PSMD11: variants seen among roughly 807,000 people sequenced by gnomAD.
PSMD11 encodes 26S proteasome non-ATPase regulatory subunit 11.
A neutral mutation model predicts 62.3 loss-of-function variants in PSMD11; 5 were observed. The ratio of observed to expected loss-of-function variants is 0.08; its 90% confidence interval spans 0.04 to 0.17. PSMD11 has a LOEUF of 0.17. Among genes scored for constraint, PSMD11 ranks in the 10% least tolerant of loss-of-function variants. The probability of loss-of-function intolerance (pLI) is 1.00; values close to 1 mark genes in which losing one functional copy is unlikely to be tolerated. For synonymous variants in PSMD11, 191 were observed against 191.8 expected (o/e 1.00, Z 0.03); for missense variants, 310 against 512.9 (o/e 0.60, Z 3.82).
At chr17:32,474,020 T>A in intron 7 of PSMD11, 75 bp downstream of exon 7, 1 of 1,553,044 alleles carries the variant, frequency 6.4e-7, no homozygotes, top group Non-Finnish European at 8.8e-7. Context: ...AGAGATGGCC[T>A]GAGCAGGGAG....
At chr17:32,471,051 C>T (rs1472717376) in intron 6 of PSMD11, among the ~76,000 whole-genome samples, 1 of 152,242 alleles carries the variant, frequency 6.6e-6, no homozygotes, top group East Asian at 1.9e-4. Flanking sequence ...CTCTAGTGTG[C>T]TAAATACTTT....
chr17:32,483,081 G>T lies in PSMD11; in HGVS notation c.*2329G>T, dbSNP rs1348725833. On this transcript the variant is annotated 3_prime_UTR_variant, in exon 14 of 14. Coordinates refer to ENST00000261712, the MANE Select transcript of PSMD11 (RefSeq NM_002815.4). ...CAGTTCCCTTTGCGGGTCTTGGTCA[G>T]ATGATGCCCTCTAGACCCGTGCTGT... The T allele has an allele frequency of 6.6e-6, 1 of 152,220 alleles. No homozygotes were observed. The highest frequency in any genetic ancestry group is 6.5e-5 in the Admixed American group (1 of 15,288). The allele number at this position is 152,220 out of a possible 1,614,324, so 9.4% of individuals were successfully genotyped here.
At chr17:32,447,643 T>A (rs749820449) in intron 2 of PSMD11, among the ~76,000 whole-genome samples, 3 of 152,138 alleles carry the variant, frequency 2.0e-5, no homozygotes, top group Non-Finnish European at 4.4e-5. Flanking sequence ...GTCCTTTTGA[T>A]CAGGAAGGAC....
intron 10 of PSMD11, chr17:32,479,587 C>A: frequency 1.3e-6 from 1 of 748,346 alleles, no homozygotes; most frequent in Non-Finnish European, 2.1e-6. Flanking sequence ...TGCATGTGTT[C>A]TGAGCAGTTT....
chr17:32,451,207 C>G (rs1907488087), intron 2 of PSMD11, among the ~76,000 whole-genome samples: 1 of 151,942 alleles, frequency 6.6e-6, no homozygotes, highest in South Asian at 2.1e-4. Flanking sequence ...AAGGATAACA[C>G]TCAGTGCTTA....
intron 2 of PSMD11, 151 bp downstream of exon 2, chr17:32,447,197 T>G: frequency 1.7e-6 from 1 of 575,090 alleles, no homozygotes; most frequent in Non-Finnish European, 3.0e-6. Context: ...GGCAATTAAG[T>G]GGCCTTTAAA....
At chr17:32,445,433 A>C (rs1013227542) in intron 1 of PSMD11, 10 of 152,316 alleles carry the variant, frequency 6.6e-5, no homozygotes, top group African/African-American at 2.4e-4. Flanking sequence ...GAAAAATTAA[A>C]ATTTCTTAAC....
At chr17:32,475,439 A>C (rs1337770817) in intron 8 of PSMD11, among the ~76,000 whole-genome samples, 1 of 150,940 alleles carries the variant, frequency 6.6e-6, no homozygotes, top group Non-Finnish European at 1.5e-5. Flanking sequence ...TCCTCTTTGT[A>C]TTTTGCTTGA....
At chr17:32,463,476 A>G (rs964053086) in intron 3 of PSMD11, 2 of 152,852 alleles carry the variant, frequency 1.3e-5, no homozygotes, top group African/African-American at 4.8e-5. Context: ...TTACCTTCAG[A>G]CCAGCTTTTA....
intron 3 of PSMD11, among the ~76,000 whole-genome samples, chr17:32,458,410 G>C (rs985356788): frequency 6.6e-6 from 1 of 152,164 alleles, no homozygotes; most frequent in African/African-American, 2.4e-5. Context: ...GAACAAGCCT[G>C]TATAACCCTC....
chr17:32,449,481 G>A (rs2150828477), intron 2 of PSMD11, among the ~76,000 whole-genome samples: 1 of 152,248 alleles, frequency 6.6e-6, no homozygotes, highest in African/African-American at 2.4e-5. Context: ...ACAGTGTGTG[G>A]TATATAGTCA....
At chr17:32,475,209 G>A (rs1370660902) in intron 8 of PSMD11, among the ~76,000 whole-genome samples, 1 of 152,172 alleles carries the variant, frequency 6.6e-6, no homozygotes, top group African/African-American at 2.4e-5. Flanking sequence ...TGGTGCATAT[G>A]TGCTTTAGAG....
At chr17:32,479,953 A>C in intron 11 of PSMD11, 67 bp downstream of exon 11, 1 of 1,558,980 alleles carries the variant, frequency 6.4e-7, no homozygotes, top group Non-Finnish European at 8.8e-7. Flanking sequence ...TGGCACATGC[A>C]CCTGATTGGC....
In PSMD11 at chr17:32,477,587, A is replaced by T; in HGVS notation, c.912+4A>T. 6.2e-7 allele frequency: 1 copy of T among 1,606,680 alleles called. No homozygotes were observed. Among genetic ancestry groups the T allele is most frequent in the Non-Finnish European group, 8.5e-7 (1 of 1,173,838 alleles). On this transcript the variant is annotated splice_donor_region_variant and intron_variant, in intron 9 of 13. Coordinates refer to ENST00000261712, the MANE Select transcript of PSMD11 (RefSeq NM_002815.4). ...ATCACTGGCAGATTTTGAAAAGGTG[A>T]GTATGATATTGGGTTGGTATGGAAT...
intron 3 of PSMD11, among the ~76,000 whole-genome samples, chr17:32,455,400 G>A (rs1354859341): frequency 6.6e-6 from 1 of 152,196 alleles, no homozygotes; most frequent in Non-Finnish European, 1.5e-5. Context: ...CTGTTGTCAT[G>A]AGGATTATTT....
At chr17:32,453,368 CAGG>C in intron 2 of PSMD11, among the ~76,000 whole-genome samples, 1 of 152,234 alleles carries the variant, frequency 6.6e-6, no homozygotes, top group African/African-American at 2.4e-5. Flanking sequence ...CTCTTGAAAG[CAGG>C]AGTATATACT....
chr17:32,451,139 A>G (rs1907485166), intron 2 of PSMD11, among the ~76,000 whole-genome samples: 1 of 151,830 alleles, frequency 6.6e-6, no homozygotes, highest in Non-Finnish European at 1.5e-5. Context: ...AAAAAAAGAA[A>G]AAAGAAAAAG....
rs535816506 is a variant in PSMD11, at chr17:32,468,197, G to A, written c.449-802G>A. On this transcript the variant is annotated intron_variant, in intron 5 of 13. Coordinates refer to ENST00000261712, the MANE Select transcript of PSMD11 (RefSeq NM_002815.4). ...GTACATTTTCTTTATTCAGTCTGCC[G>A]TTGATGGGCATTTAGGTTTATTTTT... 1.3e-4 allele frequency among the ~76,000 whole-genome samples: 20 copies of A among 152,204 alleles called. 1 individual carries two copies. The East Asian group carries it at 2.7e-3, about 21-fold the overall frequency.
In PSMD11 at chr17:32,465,150, T is replaced by C. The variant is rs564737070; in HGVS notation, c.448+572T>C. ...TATTATTATTTTTTGAGACAGAGTCTTACTCTGTTGCCCAGGCTGGAGTGC... is the reference window on the plus strand; with the variant it reads ...TATTATTATTTTTTGAGACAGAGTCCTACTCTGTTGCCCAGGCTGGAGTGC... On this transcript the variant is annotated intron_variant, in intron 5 of 13. Coordinates refer to ENST00000261712, the MANE Select transcript of PSMD11 (RefSeq NM_002815.4). 2.0e-5 allele frequency among the ~76,000 whole-genome samples: 3 copies of C among 152,196 alleles called. No homozygotes were observed. In the East Asian group the frequency reaches 5.8e-4, roughly 29 times the overall value.
Sources: allele counts gnomAD v4.1 joint callset (sites outside exome capture counted in the v4.1 genomes callset), GRCh38; gene constraint gnomAD v4.1.1; transcripts MANE v1.5; gene names NCBI Gene and HGNC (gene_info 2026-07-23, HGNC 2026-07-21).